Variants in MYO5A observed in about 807,000 individuals in gnomAD.
MYO5A encodes myosin VA, also known as unconventional myosin-Va.
Under a neutral mutation model 249.7 loss-of-function variants are expected in MYO5A, and 98 were observed. The observed-to-expected ratio is 0.39, with a 90% CI of 0.33 to 0.46. MYO5A has a LOEUF of 0.46. Ranked by LOEUF, MYO5A falls within the 20% of genes least tolerant of loss-of-function variation. The pLI, the probability that MYO5A is intolerant of heterozygous loss-of-function variation, is 0.98. For synonymous variants in MYO5A, 778 were observed against 810.6 expected (o/e 0.96, Z 0.68); for missense variants, 1,696 against 2,308.8 (o/e 0.73, Z 5.44).
chr15:52,512,830 T>C (rs2077419077), intron 1 of MYO5A, among the ~76,000 whole-genome samples: 1 of 152,028 alleles, frequency 6.6e-6, no homozygotes. Flanking sequence ...CAGTTGCCTT[T>C]AAAAATAGCA....
At chr15:52,322,776 T>TA (rs766755406) in intron 37 of MYO5A, among the ~76,000 whole-genome samples, 2 of 152,090 alleles carry the variant, frequency 1.3e-5, no homozygotes, top group South Asian at 2.1e-4. Context: ...TTTTTTTTTT[T>TA]AGAGTTAAAG....
At chr15:52,376,617 GA>G in intron 18 of MYO5A, 59 bp from the exon 19 acceptor site, 1 of 1,502,510 alleles carries the variant, frequency 6.7e-7, no homozygotes, top group Non-Finnish European at 9.1e-7. Context: ...AAATTTAAAA[GA>G]AAAAATGTCT....
chr15:52,456,709 G>A lies in MYO5A; in HGVS notation c.28-23424C>T, dbSNP rs1013509556. On this transcript the variant is annotated intron_variant, in intron 1 of 41. Transcript: ENST00000399233. ...CATTTTTGAAAAAAGCACCAAGTACGTACAATTGGGAAGGACAGTCACCTC... is the reference window on the plus strand; with the variant it reads ...CATTTTTGAAAAAAGCACCAAGTACATACAATTGGGAAGGACAGTCACCTC... Among the ~76,000 whole-genome samples the A allele has an allele frequency of 2.0e-5, 3 of 152,048 alleles. No individual in the cohort carries two copies. In the East Asian group the frequency reaches 5.8e-4, roughly 29 times the overall value.
upstream of MYO5A, chr15:52,528,912 G>T: frequency 9.8e-7 from 1 of 1,020,556 alleles, no homozygotes; most frequent in Non-Finnish European, 1.2e-6. Context: ...GCAGGGAGCA[G>T]GGCAGGGCAG....
chr15:52,411,052 A>C (rs3858907), intron 5 of MYO5A, among the ~76,000 whole-genome samples: 71,723 of 152,084 alleles, frequency 0.47, 18,694 homozygotes, highest in East Asian at 0.86. Flanking sequence ...ATTTTCATAA[A>C]ACCTTTTGGG....
chr15:52,462,403 A>G (rs878870791), intron 1 of MYO5A, among the ~76,000 whole-genome samples: 1 of 152,206 alleles, frequency 6.6e-6, no homozygotes, highest in Admixed American at 6.5e-5. Flanking sequence ...AACTGTATGC[A>G]TACTAAGTAC....
At chr15:52,344,837 T>C (rs967038837) in intron 30 of MYO5A, among the ~76,000 whole-genome samples, 1 of 152,204 alleles carries the variant, frequency 6.6e-6, no homozygotes, top group Non-Finnish European at 1.5e-5. Flanking sequence ...ATTACTGTAT[T>C]CCCAGTATGT....
chr15:52,449,710 T>C (rs933122075), intron 1 of MYO5A, among the ~76,000 whole-genome samples: 1 of 152,164 alleles, frequency 6.6e-6, no homozygotes, highest in Non-Finnish European at 1.5e-5. Context: ...GTGTTAAGAA[T>C]GCAGGCTTGC....
At chr15:52,459,125 G>T (rs543063744) in intron 1 of MYO5A, among the ~76,000 whole-genome samples, 25 of 131,690 alleles carry the variant, frequency 1.9e-4, no homozygotes, top group African/African-American at 4.4e-4. Context: ...TCAGCCTCCT[G>T]AGTAGCTGGG....
At chr15:52,498,657 ATAT>A (rs1489210116) in intron 1 of MYO5A, among the ~76,000 whole-genome samples, 1 of 152,140 alleles carries the variant, frequency 6.6e-6, no homozygotes, top group Non-Finnish European at 1.5e-5. Flanking sequence ...TTTCTCACAG[ATAT>A]TATTACTTTT....
At chr15:52,509,914 A>C (rs1011185426) in intron 1 of MYO5A, among the ~76,000 whole-genome samples, 1 of 152,194 alleles carries the variant, frequency 6.6e-6, no homozygotes, top group African/African-American at 2.4e-5. Flanking sequence ...AAGAGCACAA[A>C]AAAGCTCTAA....
intron 1 of MYO5A, among the ~76,000 whole-genome samples, chr15:52,487,257 A>C (rs1415696054): frequency 6.6e-6 from 1 of 151,972 alleles, no homozygotes; most frequent in African/African-American, 2.4e-5. Flanking sequence ...TTCTACAAAA[A>C]ATAAAAAAGT....
intron 16 of MYO5A, among the ~76,000 whole-genome samples, chr15:52,381,188 T>G (rs1403918274): frequency 1.4e-5 from 2 of 147,818 alleles, no homozygotes; most frequent in East Asian, 4.0e-4. Flanking sequence ...CTCAGGTGTC[T>G]GTTGGTGGTG....
chr15:52,330,767 G>A (rs1248702800), intron 34 of MYO5A, among the ~76,000 whole-genome samples: 1 of 152,006 alleles, frequency 6.6e-6, no homozygotes, highest in East Asian at 1.9e-4. Context: ...TTTTTTTTAT[G>A]TAATAAGGCT....
At chr15:52,488,378 T>C (rs1567172922) in intron 1 of MYO5A, among the ~76,000 whole-genome samples, 2 of 152,208 alleles carry the variant, frequency 1.3e-5, no homozygotes, top group African/African-American at 2.4e-5. Context: ...GAGCTATAAT[T>C]GGGGTCTGCA....
intron 4 of MYO5A, among the ~76,000 whole-genome samples, chr15:52,421,446 G>A (rs762298914): frequency 5.3e-5 from 8 of 152,190 alleles, no homozygotes; most frequent in Non-Finnish European, 1.0e-4. Flanking sequence ...AGTATTTTTC[G>A]AAGTGTTTTT....
intron 1 of MYO5A, among the ~76,000 whole-genome samples, chr15:52,437,287 T>C (rs1567125765): frequency 6.6e-6 from 1 of 152,096 alleles, no homozygotes; most frequent in East Asian, 1.9e-4. Flanking sequence ...AGAAAAGATA[T>C]ATAAATATAA....
intron 11 of MYO5A, among the ~76,000 whole-genome samples, chr15:52,394,769 C>A (rs981377241): frequency 1.3e-5 from 2 of 152,160 alleles, no homozygotes; most frequent in African/African-American, 4.8e-5. Context: ...TGTGGAAACA[C>A]AATGGGAAAG....
intron 24 of MYO5A, among the ~76,000 whole-genome samples, chr15:52,361,509 G>A (rs564872895): frequency 1.2e-4 from 18 of 152,260 alleles, no homozygotes; most frequent in Non-Finnish European, 2.4e-4. Context: ...TAAGTGCTCT[G>A]GATCTGAAAC....
Sources: gnomAD v4.1 joint callset for allele counts (sites outside exome capture counted in the v4.1 genomes callset) on GRCh38, gnomAD v4.1.1 for gene constraint, MANE v1.5 for transcripts, NCBI Gene and HGNC (gene_info 2026-07-23, HGNC 2026-07-21) for gene names.